Variants in DOK5 observed in about 807,000 individuals in gnomAD.
The protein encoded by DOK5 is docking protein 5.
DOK5 carries 27 observed loss-of-function variants against 43.3 expected under a neutral mutation model. The ratio of observed to expected loss-of-function variants is 0.62; its 90% CI spans 0.46 to 0.86. The LOEUF (loss-of-function observed/expected upper bound fraction) is 0.86, where lower values mean the gene tolerates loss of function less well. Among genes scored for constraint, DOK5 ranks in the 40% least tolerant of loss-of-function variants. DOK5 has a pLI of 0.00. For missense variants in DOK5, 373 were observed against 392.9 expected, an observed-to-expected ratio of 0.95 and a Z score of 0.43; for synonymous variants, 146 against 140.1, an observed-to-expected ratio of 1.04 and a Z score of -0.30.
At chr20:54,556,127 G>A (rs1255651269) in intron 2 of DOK5, among the ~76,000 whole-genome samples, 1 of 152,194 alleles carries the variant, frequency 6.6e-6, no homozygotes, top group Admixed American at 6.5e-5. Context: ...GGAAGAATAA[G>A]CACAAAACAA....
intron 6 of DOK5, among the ~76,000 whole-genome samples, chr20:54,640,064 A>G (rs1172934524): frequency 6.6e-6 from 1 of 152,114 alleles, no homozygotes; most frequent in Non-Finnish European, 1.5e-5. Flanking sequence ...ACCCACACCC[A>G]CTGAGACAGG....
intron 1 of DOK5, among the ~76,000 whole-genome samples, chr20:54,508,643 C>T (rs773111424): frequency 1.3e-4 from 20 of 152,214 alleles, no homozygotes; most frequent in Non-Finnish European, 2.5e-4. Flanking sequence ...TGCAATGGCG[C>T]GATCTTGGCT....
intron 1 of DOK5, among the ~76,000 whole-genome samples, chr20:54,509,162 C>A (rs1158361408): frequency 6.6e-6 from 1 of 152,214 alleles, no homozygotes; most frequent in Non-Finnish European, 1.5e-5. Flanking sequence ...AGGTGTGAGC[C>A]ACCGCACCCG....
intron 1 of DOK5, among the ~76,000 whole-genome samples, chr20:54,542,117 C>CACACACACACAT (rs1568774916): frequency 1.4e-4 from 22 of 151,738 alleles, no homozygotes; most frequent in African/African-American, 5.1e-4. Context: ...CACACACACA[C>CACACACACACAT]ACACACACAC....
intron 6 of DOK5, among the ~76,000 whole-genome samples, chr20:54,612,977 T>G (rs1986697417): frequency 1.3e-5 from 2 of 152,170 alleles, no homozygotes; most frequent in African/African-American, 4.8e-5. Context: ...AAAGTTTAAG[T>G]GAGATATGCT....
chr20:54,607,098 C>G (rs551182216), intron 5 of DOK5, among the ~76,000 whole-genome samples: 22 of 152,338 alleles, frequency 1.4e-4, no homozygotes, highest in Middle Eastern at 3.4e-3. Flanking sequence ...GGAGCTTGAT[C>G]AGGGATCACC....
At chr20:54,622,782 T>C (rs960916719) in intron 6 of DOK5, among the ~76,000 whole-genome samples, 7 of 151,890 alleles carry the variant, frequency 4.6e-5, no homozygotes, top group African/African-American at 9.7e-5. Context: ...GTGTGGGCGG[T>C]GGTGAGTAAT....
chr20:54,492,960 C>A (rs1304833655), intron 1 of DOK5, among the ~76,000 whole-genome samples: 1 of 147,994 alleles, frequency 6.8e-6, no homozygotes, highest in African/African-American at 2.5e-5. Flanking sequence ...AAGGCTGAGG[C>A]AGGAGAATTG....
chr20:54,501,917 T>C (rs981831322), intron 1 of DOK5, among the ~76,000 whole-genome samples: 1 of 152,238 alleles, frequency 6.6e-6, no homozygotes, highest in Non-Finnish European at 1.5e-5. Flanking sequence ...ATTTCCTCGG[T>C]TAATACTCTG....
chr20:54,643,475 T>G lies in DOK5; in HGVS notation c.753T>G (p.Ser251Arg). Residue 251 changes from serine to arginine, a missense_variant, in exon 7 of 8, where the codon AGT becomes AGG. Transcript: ENST00000262593. ...VKNSMLQMKM[S>R]ERAASLSTMV... ...GGCTGCAGCTCCAGATGAAGATGAG[T>G]GAGCGGGCCGCCTCGCTGAGCACCA... 10 of 1,613,598 alleles carry G rather than the reference T, an allele frequency of 6.2e-6. No individual in the cohort carries two copies. The highest frequency in any genetic ancestry group is 8.5e-6 in the Non-Finnish European group (10 of 1,180,028).
intron 7 of DOK5, among the ~76,000 whole-genome samples, chr20:54,647,495 A>C (rs1979489025): frequency 6.6e-6 from 1 of 150,810 alleles, no homozygotes; most frequent in Non-Finnish European, 1.5e-5. Context: ...ACAAGAGTGA[A>C]ACTCTGTCTC....
chr20:54,578,203 T>C (rs1985516023), intron 2 of DOK5, among the ~76,000 whole-genome samples: 1 of 152,154 alleles, frequency 6.6e-6, no homozygotes, highest in Non-Finnish European at 1.5e-5. Context: ...ATAATTTCTG[T>C]AAGAAATTAC....
intron 1 of DOK5, among the ~76,000 whole-genome samples, chr20:54,516,876 A>G (rs1013608623): frequency 1.3e-5 from 2 of 152,190 alleles, no homozygotes; most frequent in African/African-American, 2.4e-5. Flanking sequence ...CTATGCATTT[A>G]TTCTGCAACA....
intron 6 of DOK5, among the ~76,000 whole-genome samples, chr20:54,625,338 A>G (rs1480573327): frequency 6.6e-6 from 1 of 152,188 alleles, no homozygotes; most frequent in Non-Finnish European, 1.5e-5. Context: ...TAGAGGTTCT[A>G]ATCTCCTGTT....
chr20:54,616,275 A>G (rs2146799885), intron 6 of DOK5, among the ~76,000 whole-genome samples: 1 of 152,264 alleles, frequency 6.6e-6, no homozygotes, highest in East Asian at 1.9e-4. Flanking sequence ...CCTGCCTTAC[A>G]CTGTATCTTT....
At chr20:54,503,827 A>G (rs1011484655) in intron 1 of DOK5, among the ~76,000 whole-genome samples, 1 of 152,202 alleles carries the variant, frequency 6.6e-6, no homozygotes, top group Non-Finnish European at 1.5e-5. Flanking sequence ...GAAGATGGAC[A>G]TAAAATGAGG....
chr20:54,504,703 T>C (rs1159723353), intron 1 of DOK5, among the ~76,000 whole-genome samples: 1 of 152,206 alleles, frequency 6.6e-6, no homozygotes, highest in Non-Finnish European at 1.5e-5. Context: ...GATGATCATA[T>C]GGTAGACAGA....
chr20:54,607,377 C>G (rs984486860), intron 5 of DOK5, among the ~76,000 whole-genome samples: 7 of 146,236 alleles, frequency 4.8e-5, no homozygotes, highest in African/African-American at 1.8e-4. Flanking sequence ...GGTTGTGTCT[C>G]CTGTTGTTTT....
chr20:54,638,945 T>G (rs986477123), intron 6 of DOK5, among the ~76,000 whole-genome samples: 1 of 151,196 alleles, frequency 6.6e-6, no homozygotes, highest in Non-Finnish European at 1.5e-5. Flanking sequence ...CCTCCCAAAG[T>G]GCTAGGATTA....
Sources: allele counts gnomAD v4.1 joint callset (sites outside exome capture counted in the v4.1 genomes callset), GRCh38; gene constraint gnomAD v4.1.1; transcripts MANE v1.5; gene names NCBI Gene and HGNC (gene_info 2026-07-23, HGNC 2026-07-21).